The following EXPH5 variants were observed in gnomAD, a reference collection of about 807,000 sequenced individuals.
EXPH5 encodes the protein exophilin-5.
In EXPH5, 42 loss-of-function variants were observed where a neutral mutation model predicts 41.1. That is an observed-to-expected ratio of 1.02 (90% CI 0.80 to 1.32). The LOEUF (loss-of-function observed/expected upper bound fraction) is 1.32. Ranked by LOEUF, EXPH5 falls within the 40% of genes most tolerant of loss-of-function variation. The pLI, the probability that EXPH5 is intolerant of heterozygous loss-of-function variation, is 0.00. For synonymous variants in EXPH5, 798 were observed against 833.5 expected, an observed-to-expected ratio of 0.96 and a Z score of 0.73; for missense variants, 2,298 against 2,314.5, an observed-to-expected ratio of 0.99 and a Z score of 0.15.
chr11:108,555,933 C>T (rs1046299617), intron 1 of EXPH5, among the ~76,000 whole-genome samples: 6 of 152,122 alleles, frequency 3.9e-5, no homozygotes, highest in South Asian at 2.1e-4. Context: ...AGCGTGAGAA[C>T]GGACGTATAC....
At chr11:108,580,012 C>T (rs1344459365) in intron 1 of EXPH5, among the ~76,000 whole-genome samples, 1 of 151,980 alleles carries the variant, frequency 6.6e-6, no homozygotes, top group Non-Finnish European at 1.5e-5. Flanking sequence ...ATGAATAAGA[C>T]CTCAAAAACA....
At chr11:108,537,368 A>C (rs2093886154) in intron 3 of EXPH5, among the ~76,000 whole-genome samples, 1 of 152,260 alleles carries the variant, frequency 6.6e-6, no homozygotes, top group African/African-American at 2.4e-5. Flanking sequence ...AATAATAACA[A>C]GATAAATGTT....
the EXPH5 span, among the ~76,000 whole-genome samples, chr11:108,605,278 C>T: frequency 2.0e-5 from 3 of 152,146 alleles, no homozygotes; most frequent in Admixed American, 2.0e-4. Flanking sequence ...CTCTTCTCAT[C>T]CTCCAAAGAC....
intron 1 of EXPH5, among the ~76,000 whole-genome samples, chr11:108,587,835 C>T (rs774289147): frequency 6.6e-6 from 1 of 152,192 alleles, no homozygotes; most frequent in African/African-American, 2.4e-5. Flanking sequence ...TCACTGCAAC[C>T]TCCACCTCCT....
At chr11:108,528,695 CTT>C (rs58500316) in intron 3 of EXPH5, among the ~76,000 whole-genome samples, 16 of 106,320 alleles carry the variant, frequency 1.5e-4, no homozygotes, top group African/African-American at 2.2e-4. Context: ...TTTTCTTTCC[CTT>C]TTTTTTTTTT....
At chr11:108,568,389 C>T (rs988048852) in intron 1 of EXPH5, among the ~76,000 whole-genome samples, 1 of 152,072 alleles carries the variant, frequency 6.6e-6, no homozygotes, top group South Asian at 2.1e-4. Context: ...GTTCCCCCCT[C>T]TACTGTCAGG....
chr11:108,566,225 C>T (rs12283455), intron 1 of EXPH5, among the ~76,000 whole-genome samples: 9,426 of 152,172 alleles, frequency 0.062, 518 homozygotes, highest in African/African-American at 0.15. Flanking sequence ...AAAAGACAAT[C>T]GGAACTAGAC....
At chr11:108,563,571 C>A (rs553412105) in intron 1 of EXPH5, among the ~76,000 whole-genome samples, 4 of 152,178 alleles carry the variant, frequency 2.6e-5, no homozygotes, top group South Asian at 2.1e-4. Context: ...AAACCCCAGA[C>A]GAGCACACAA....
At chr11:108,563,993 G>T (rs937886830) in intron 1 of EXPH5, among the ~76,000 whole-genome samples, 2 of 152,132 alleles carry the variant, frequency 1.3e-5, no homozygotes, top group African/African-American at 2.4e-5. Flanking sequence ...GGGATAGTAG[G>T]AGACGGCTGC....
chr11:108,588,839 A>G (rs577633854), intron 1 of EXPH5, among the ~76,000 whole-genome samples: 46 of 152,326 alleles, frequency 3.0e-4, no homozygotes, highest in African/African-American at 1.1e-3. Context: ...ATATTATTAT[A>G]GTAGTTCTGT....
chr11:108,593,582 T>A lies in EXPH5; in HGVS notation c.-46A>T. On this transcript the variant is annotated 5_prime_UTR_variant, in exon 1 of 6. Transcript: ENST00000265843. ...TACACTTAAGCTCCTTGGCGCCTCC[T>A]GTTAGGAAGGCATTTTTCAACCTGT... The A allele has an allele frequency of 1.2e-6, 2 of 1,613,434 alleles. No homozygotes were observed. Among genetic ancestry groups the A allele is most frequent in the Non-Finnish European group, 8.5e-7 (1 of 1,179,710 alleles).
At chr11:108,595,301 T>G (rs2094137204), upstream of EXPH5, among the ~76,000 whole-genome samples, 1 of 152,174 alleles carries the variant, frequency 6.6e-6, no homozygotes, top group South Asian at 2.1e-4. Flanking sequence ...TAAAGAAAAT[T>G]CCATGAGCAC....
chr11:108,510,867 G>T lies in EXPH5; in HGVS notation c.4640C>A (p.Ala1547Glu). The change falls in exon 6 of 6, where the codon GCA becomes GAA. Residue 1547 changes from alanine (A) to glutamate (E), a missense_variant. Transcript: ENST00000265843. Reference sequence around the variant, plus strand: ...AGCCTTCCTGCTCTCTGTCATATTTGCCTCCTGACTTCTTTGAGGTAATTC... The same window carrying T: ...AGCCTTCCTGCTCTCTGTCATATTTTCCTCCTGACTTCTTTGAGGTAATTC... ...PRELPQRSQE[A>E]NMTESRKAED... 6.2e-7 allele frequency: 1 copy of T among 1,614,118 alleles called. No individual in the cohort carries two copies. The highest frequency in any genetic ancestry group is 8.5e-7 in the Non-Finnish European group (1 of 1,180,008).
At chr11:108,564,605 T>C (rs1418673466) in intron 1 of EXPH5, among the ~76,000 whole-genome samples, 1 of 152,198 alleles carries the variant, frequency 6.6e-6, no homozygotes, top group African/African-American at 2.4e-5. Context: ...ATTGTGCCCA[T>C]CTCTGATTAA....
intron 1 of EXPH5, among the ~76,000 whole-genome samples, chr11:108,569,548 C>T (rs961203936): frequency 1.3e-5 from 2 of 152,230 alleles, no homozygotes; most frequent in South Asian, 2.1e-4. Flanking sequence ...ACCATGTTGG[C>T]CAGGCTGGTC....
At chr11:108,574,390 G>T (rs1050778194) in intron 1 of EXPH5, among the ~76,000 whole-genome samples, 28 of 147,210 alleles carry the variant, frequency 1.9e-4, no homozygotes, top group Admixed American at 3.4e-4. Flanking sequence ...AAAAAAAAAG[G>T]AAATTTAAAA....
chr11:108,512,869 A>C lies in EXPH5; in HGVS notation c.2638T>G (p.Ser880Ala), dbSNP rs759925263. 14 of 1,614,046 alleles carry C rather than the reference A, an allele frequency of 8.7e-6. No individual in the cohort carries two copies. Among genetic ancestry groups the C allele is most frequent in the Non-Finnish European group, 1.2e-5 (14 of 1,179,996 alleles). The change falls in exon 6 of 6, where the codon TCA (serine) becomes GCA (alanine). Residue 880 changes from serine to alanine, a missense_variant. Transcript: ENST00000265843. ...GAGGAATCTGGTAGTGCAGCTGATG[A>C]CAGATCTAAAGAATCACACGAGGTC... The part of the protein sequence containing the change: ...HKTSCDSLDL[S>A]SAALPDSSPS...
At chr11:108,597,785 CA>C (rs1251625100), upstream of EXPH5, among the ~76,000 whole-genome samples, 2 of 151,956 alleles carry the variant, frequency 1.3e-5, no homozygotes, top group Non-Finnish European at 2.9e-5. Context: ...GAAAATTGAT[CA>C]TAGATGATAA....
intron 5 of EXPH5, 101 bp downstream of exon 5, chr11:108,518,134 T>C (rs548121520): frequency 2.8e-6 from 3 of 1,058,772 alleles, no homozygotes; most frequent in South Asian, 3.2e-5. Flanking sequence ...AAAAATAAAG[T>C]ACAGTGTTTC....
Sources: allele counts gnomAD v4.1 joint callset (sites outside exome capture counted in the v4.1 genomes callset), GRCh38; gene constraint gnomAD v4.1.1; transcripts MANE v1.5; gene names NCBI Gene and HGNC (gene_info 2026-07-23, HGNC 2026-07-21).